Variants in SNRNP25 observed in about 807,000 individuals in gnomAD.
The protein encoded by SNRNP25 is U11/U12 small nuclear ribonucleoprotein 25 kDa protein.
In SNRNP25, 21 loss-of-function variants were observed where a neutral mutation model predicts 23.9. The observed-to-expected ratio is 0.88, with a 90% CI of 0.62 to 1.27. The LOEUF (loss-of-function observed/expected upper bound fraction) is 1.27. SNRNP25 is among the 50% of genes most tolerant of loss of function. The pLI is 0.00. For missense variants in SNRNP25, 160 were observed against 156.9 expected, an observed-to-expected ratio of 1.02 and a Z score of -0.11; for synonymous variants, 63 against 60.4, an observed-to-expected ratio of 1.04 and a Z score of -0.20.
chr16:53,935 C>G lies in SNRNP25; in HGVS notation c.-82C>G, dbSNP rs1470655593. ...AGGAGACGGAGGCCGCGGGTGGGCC[C>G]GAGGCGCAAGAGGAAGATGAGGACG... On this transcript the variant is annotated 5_prime_UTR_variant, in exon 1 of 5. Transcript: ENST00000293861. The G allele has an allele frequency of 3.2e-6, 5 of 1,567,854 alleles. No homozygotes were observed. Among genetic ancestry groups the G allele is most frequent in the East Asian group, 4.7e-5 (2 of 42,776 alleles).
chr16:56,012 T>A, intron 3 of SNRNP25, 130 bp downstream of exon 3: 1 of 827,402 alleles, frequency 1.2e-6, no homozygotes, highest in Non-Finnish European at 1.9e-6. Context: ...AGTGATGAGC[T>A]CCCTGTCACA....
At chr16:56,832 G>A (rs1897417627) in intron 4 of SNRNP25, among the ~76,000 whole-genome samples, 1 of 152,254 alleles carries the variant, frequency 6.6e-6, no homozygotes, top group Non-Finnish European at 1.5e-5. Context: ...CACAGTGCCA[G>A]GAGGGAGGAA....
rs943920950 is a variant in SNRNP25 at position 53,899 on chromosome 16, G to C, written c.-118G>C. The C allele has an allele frequency of 1.3e-6, 2 of 1,512,520 alleles. No individual in the cohort carries two copies. The highest frequency in any genetic ancestry group is 4.9e-5 in the East Asian group (2 of 41,014). 93.7% of individuals were successfully genotyped at this position (1,512,520 alleles called of 1,614,324 possible). A position where few individuals can be genotyped will look rare whatever the true frequency, so the allele number is the denominator to read the frequency against. Reference sequence around the variant, plus strand: ...GTGCGGGCAGAGCCCGGCTGAGAGGGGCGGCCCTGGAGGAGACGGAGGCCG... The same window carrying C: ...GTGCGGGCAGAGCCCGGCTGAGAGGCGCGGCCCTGGAGGAGACGGAGGCCG... On this transcript the variant is annotated 5_prime_UTR_variant, in exon 1 of 5. Coordinates refer to ENST00000293861, the MANE Select transcript of SNRNP25 (RefSeq NM_024571.4).
intron 4 of SNRNP25, 40 bp downstream of exon 4, chr16:56,653 T>C (rs1897414648): frequency 6.2e-7 from 1 of 1,600,310 alleles, no homozygotes; most frequent in Non-Finnish European, 8.6e-7. Flanking sequence ...GGCACCGCTG[T>C]TCTGTTGCCC....
Position 54,067 on chromosome 16 carries a change from G to C in SNRNP25, c.42+9G>C, listed in dbSNP as rs754639670. 1 of 1,600,322 alleles carries C rather than the reference G, an allele frequency of 6.2e-7. No homozygotes were observed. Among genetic ancestry groups the C allele is most frequent in the Non-Finnish European group, 8.5e-7 (1 of 1,177,188 alleles). ...GCGATCTGCCGATCCAGGTGTGTGC[G>C]GGCGGGGGCTGGGGGCGCGGGAGTC... is the stretch of plus-strand genomic sequence containing the variant. On this transcript the variant is annotated intron_variant, in intron 1 of 4. Transcript: ENST00000293861.
At position 57,163 on chromosome 16, in the gene SNRNP25, C is replaced by G; in HGVS notation, c.*20C>G. 1 of 1,612,892 alleles carries G rather than the reference C, an allele frequency of 6.2e-7. No individual in the cohort carries two copies. Among genetic ancestry groups the G allele is most frequent in the South Asian group, 1.1e-5 (1 of 91,060 alleles). On this transcript the variant is annotated 3_prime_UTR_variant, in exon 5 of 5. Coordinates refer to ENST00000293861, the MANE Select transcript of SNRNP25 (RefSeq NM_024571.4). ...AAGTGAGCCTCCAGACAGGACAACC[C>G]TCTTCATCACTGGTGGCTGAGCTTT...
At chr16:56,459 T>A (rs1897410329) in intron 3 of SNRNP25, 80 bp from the exon 4 acceptor site, 1 of 1,361,078 alleles carries the variant, frequency 7.3e-7, no homozygotes, top group African/African-American at 1.4e-5. Flanking sequence ...TAGGACTGCA[T>A]GCCTCAAGCC....
Position 53,895 on chromosome 16 carries a change from G to T in SNRNP25, c.-122G>T. ...GGCAGTGCGGGCAGAGCCCGGCTGA[G>T]AGGGGCGGCCCTGGAGGAGACGGAG... is the stretch of plus-strand genomic sequence containing the variant. On this transcript the variant is annotated 5_prime_UTR_variant, in exon 1 of 5. Coordinates refer to ENST00000293861, the MANE Select transcript of SNRNP25 (RefSeq NM_024571.4). 2 of 1,510,618 alleles carry T rather than the reference G, an allele frequency of 1.3e-6. No homozygotes were observed. Among genetic ancestry groups the T allele is most frequent in the East Asian group, 2.4e-5 (1 of 40,958 alleles). The allele number at this position is 1,510,618 out of a possible 1,614,324, so 93.6% of individuals were successfully genotyped here. A position where few individuals can be genotyped will look rare whatever the true frequency, so the allele number is the denominator to read the frequency against.
intron 1 of SNRNP25, among the ~76,000 whole-genome samples, chr16:54,344 G>C (rs1225608706): frequency 6.6e-6 from 1 of 152,206 alleles, no homozygotes; most frequent in Non-Finnish European, 1.5e-5. Flanking sequence ...CCGGGCTGGA[G>C]TGCAGCGGCG....
Position 53,902 on chromosome 16 carries a change from G to T in SNRNP25, c.-115G>T. On this transcript the variant is annotated 5_prime_UTR_variant, in exon 1 of 5. Transcript: ENST00000293861. ...CGGGCAGAGCCCGGCTGAGAGGGGC[G>T]GCCCTGGAGGAGACGGAGGCCGCGG... 2 of 1,515,332 alleles carry T rather than the reference G, an allele frequency of 1.3e-6. No individual in the cohort carries two copies. The highest frequency in any genetic ancestry group is 1.8e-6 in the Non-Finnish European group (2 of 1,118,510). The allele number at this position is 1,515,332 out of a possible 1,614,324, so 93.9% of individuals were successfully genotyped here.
chr16:56,128 G>A (rs1174464646), intron 3 of SNRNP25: 9 of 618,022 alleles, frequency 1.5e-5, no homozygotes, highest in South Asian at 3.6e-5. Context: ...CACCCCATCC[G>A]AGCTGCTGGG....
chr16:54,103 G>A (rs921204725), intron 1 of SNRNP25, 45 bp downstream of exon 1: 4 of 1,568,482 alleles, frequency 2.6e-6, no homozygotes, highest in African/African-American at 2.7e-5. Context: ...GTTCCCCGGG[G>A]TCCGGGCATC....
rs1312205091 is a variant in SNRNP25 at position 53,882 on chromosome 16, A to G, written c.-135A>G. On this transcript the variant is annotated 5_prime_UTR_variant, in exon 1 of 5. Transcript: ENST00000293861. Reference sequence around the variant, plus strand: ...CCTAGTGCGGGCTGGCAGTGCGGGCAGAGCCCGGCTGAGAGGGGCGGCCCT... The same window carrying G: ...CCTAGTGCGGGCTGGCAGTGCGGGCGGAGCCCGGCTGAGAGGGGCGGCCCT... The G allele has an allele frequency of 2.7e-6, 4 of 1,482,492 alleles. No homozygotes were observed. In the African/African-American group the frequency reaches 4.2e-5, roughly 16 times the overall value. The allele number at this position is 1,482,492 out of a possible 1,614,324, so 91.8% of individuals were successfully genotyped here.
chr16:54,554 A>G (rs1414912480), intron 1 of SNRNP25, among the ~76,000 whole-genome samples: 1 of 151,070 alleles, frequency 6.6e-6, no homozygotes, highest in African/African-American at 2.4e-5. Flanking sequence ...GGCCTGTAAT[A>G]CCTTTAAAAG....
At chr16:56,949 A>G (rs1431527166) in intron 4 of SNRNP25, 137 bp from the exon 5 acceptor site, 14 of 768,038 alleles carry the variant, frequency 1.8e-5, no homozygotes, top group Admixed American at 5.3e-5. Flanking sequence ...GAGGATGGCC[A>G]CTGCACTTCC....
rs1897400786 is a variant in SNRNP25 at position 55,902 on chromosome 16, C to T, written c.239+20C>T. 2 of 1,607,654 alleles carry T rather than the reference C, an allele frequency of 1.2e-6. No individual in the cohort carries two copies. The highest frequency in any genetic ancestry group is 2.2e-5 in the South Asian group (2 of 90,258). ...CAGCTGGTAAGTGGAACAACATTCCCTTCATTATAGCCCTTCGTGGGGCTA... is the reference window on the plus strand; with the variant it reads ...CAGCTGGTAAGTGGAACAACATTCCTTTCATTATAGCCCTTCGTGGGGCTA... On this transcript the variant is annotated intron_variant, in intron 3 of 4. Transcript: ENST00000293861.
At chr16:56,454 C>T (rs562423625) in intron 3 of SNRNP25, 85 bp from the exon 4 acceptor site, 1 of 1,293,162 alleles carries the variant, frequency 7.7e-7, no homozygotes, top group South Asian at 1.2e-5. Context: ...TCCCATAGGA[C>T]TGCATGCCTC....
intron 1 of SNRNP25, among the ~76,000 whole-genome samples, chr16:54,313 G>T (rs1897379463): frequency 6.6e-6 from 1 of 152,374 alleles, no homozygotes; most frequent in South Asian, 2.1e-4. Context: ...GGGCTCGGGG[G>T]ACAGGGTCTT....
chr16:56,156 A>G (rs1897403882), intron 3 of SNRNP25: 8 of 621,110 alleles, frequency 1.3e-5, no homozygotes, highest in Non-Finnish European at 2.1e-5. Flanking sequence ...ACTTGGGGAC[A>G]CTGTCGGGAA....
Sources: allele counts gnomAD v4.1 joint callset (sites outside exome capture counted in the v4.1 genomes callset), GRCh38; gene constraint gnomAD v4.1.1; transcripts MANE v1.5; gene names NCBI Gene and HGNC (gene_info 2026-07-23, HGNC 2026-07-21).